The following EHBP1 variants were observed in gnomAD, a reference collection of about 807,000 sequenced individuals.
EHBP1 encodes the protein EH domain binding protein 1, also known as EH domain-binding protein 1.
In EHBP1, 55 loss-of-function variants were observed where a neutral mutation model predicts 144.0. The observed-to-expected ratio is 0.38, with a 90% CI of 0.31 to 0.48. EHBP1 has a LOEUF of 0.48. EHBP1 is among the 20% of genes least tolerant of loss of function. The pLI, the probability that EHBP1 is intolerant of heterozygous loss-of-function variation, is 0.98. For missense variants in EHBP1, 1,200 were observed against 1,364.2 expected (o/e 0.88, Z 1.90); for synonymous variants, 469 against 472.7 (o/e 0.99, Z 0.10).
rs747501545 is a variant in EHBP1, at chr2:62,707,293, A to G, written c.102A>G (p.Lys34=). 3 of 1,611,650 alleles carry G rather than the reference A, an allele frequency of 1.9e-6. No individual in the cohort carries two copies. The highest frequency in any genetic ancestry group is 4.5e-5 in the East Asian group (2 of 44,864). The change falls in exon 2 of 23, where the codon AAA becomes AAG. Residue 34 remains lysine, a splice_region_variant and synonymous_variant. Coordinates refer to ENST00000431489, the MANE Select transcript of EHBP1 (RefSeq NM_001142616.3). ...AGCTCATGGTTGAGTGTACGAAGAA[A>G]TGGTAAGATGTACCTGGAGGTAGAT... ...YQELMVECTK[K]WQPDKLVVVW...
intron 14 of EHBP1, among the ~76,000 whole-genome samples, chr2:62,966,517 T>C (rs1190968834): frequency 6.6e-6 from 1 of 152,178 alleles, no homozygotes; most frequent in Non-Finnish European, 1.5e-5. Flanking sequence ...TGACAGTGGT[T>C]GCTGTGCAGT....
intron 15 of EHBP1, among the ~76,000 whole-genome samples, chr2:62,985,599 T>C (rs1405768032): frequency 2.0e-5 from 3 of 152,190 alleles, no homozygotes; most frequent in African/African-American, 7.2e-5. Flanking sequence ...TAGTTTTGCC[T>C]TTCAAGTCTT....
intron 1 of EHBP1, among the ~76,000 whole-genome samples, chr2:62,688,378 A>G (rs898604793): frequency 1.3e-5 from 2 of 152,128 alleles, no homozygotes; most frequent in Admixed American, 6.5e-5. Flanking sequence ...ATAATTATAC[A>G]TCTTTATGGG....
At chr2:62,684,137 T>C (rs1460803818) in intron 1 of EHBP1, among the ~76,000 whole-genome samples, 2 of 152,194 alleles carry the variant, frequency 1.3e-5, no homozygotes. Context: ...GCACAGATGT[T>C]CATATGCAAG....
At chr2:62,942,470 C>T (rs1171192004) in intron 10 of EHBP1, among the ~76,000 whole-genome samples, 1 of 152,186 alleles carries the variant, frequency 6.6e-6, no homozygotes, top group Non-Finnish European at 1.5e-5. Flanking sequence ...AAGCTCTTGG[C>T]CTGTTCTTAT....
At chr2:62,727,425 C>T (rs1302196351) in intron 2 of EHBP1, among the ~76,000 whole-genome samples, 1 of 152,000 alleles carries the variant, frequency 6.6e-6, no homozygotes, top group African/African-American at 2.4e-5. Context: ...AATTTTGGAA[C>T]ATTTTTGTGA....
intron 2 of EHBP1, among the ~76,000 whole-genome samples, chr2:62,725,642 C>G (rs2036700118): frequency 6.6e-6 from 1 of 152,176 alleles, no homozygotes; most frequent in Admixed American, 6.5e-5. Context: ...GGCTCTGTGC[C>G]TGCCGAGGCT....
chr2:62,933,062 G>A (rs1426423626), intron 10 of EHBP1, among the ~76,000 whole-genome samples: 5 of 151,458 alleles, frequency 3.3e-5, no homozygotes, highest in Admixed American at 3.3e-4. Context: ...CTGTTTATGT[G>A]AGTTATACCT....
intron 2 of EHBP1, among the ~76,000 whole-genome samples, chr2:62,731,094 A>AT (rs2037552658): frequency 6.6e-6 from 1 of 150,990 alleles, no homozygotes; most frequent in African/African-American, 2.4e-5. Flanking sequence ...GATTTTTGTA[A>AT]TTTTTTTCCC....
At chr2:62,973,183 CA>C (rs1403454991) in intron 14 of EHBP1, among the ~76,000 whole-genome samples, 1 of 152,122 alleles carries the variant, frequency 6.6e-6, no homozygotes, top group East Asian at 1.9e-4. Context: ...GTTGCCATTT[CA>C]TATTCAGAAA....
chr2:62,950,693 CT>C (rs146236066), intron 13 of EHBP1, among the ~76,000 whole-genome samples: 2 of 150,160 alleles, frequency 1.3e-5, no homozygotes, highest in Non-Finnish European at 1.5e-5. Context: ...GTTGTTTTTT[CT>C]TTTTTTTTGA....
intron 1 of EHBP1, among the ~76,000 whole-genome samples, chr2:62,684,886 T>G (rs1029538097): frequency 6.6e-6 from 1 of 152,192 alleles, no homozygotes; most frequent in African/African-American, 2.4e-5. Flanking sequence ...CTGGGTGACT[T>G]ACACAGTGAA....
At chr2:62,947,833 A>G (rs1234948795) in intron 12 of EHBP1, among the ~76,000 whole-genome samples, 1 of 152,214 alleles carries the variant, frequency 6.6e-6, no homozygotes, top group Non-Finnish European at 1.5e-5. Context: ...TGTATTTTAT[A>G]TCAGGTAATC....
intron 1 of EHBP1, among the ~76,000 whole-genome samples, chr2:62,686,115 G>A (rs1315570908): frequency 6.6e-6 from 1 of 152,150 alleles, no homozygotes; most frequent in Non-Finnish European, 1.5e-5. Flanking sequence ...TTCTCCTGTT[G>A]CTCATACAAA....
intron 18 of EHBP1, among the ~76,000 whole-genome samples, chr2:62,995,256 A>G (rs1038446288): frequency 2.6e-5 from 4 of 152,058 alleles, no homozygotes; most frequent in Non-Finnish European, 4.4e-5. Flanking sequence ...TTTTAAAAAT[A>G]CAGTGACTTT....
intron 10 of EHBP1, among the ~76,000 whole-genome samples, chr2:62,941,564 T>C (rs2056757471): frequency 6.6e-6 from 1 of 152,162 alleles, no homozygotes; most frequent in East Asian, 1.9e-4. Context: ...AAGCAGTGAA[T>C]GCATAAATCA....
Position 62,874,333 on chromosome 2 carries a change from T to C in EHBP1, c.999-13T>C, listed in dbSNP as rs2050714090. 2.6e-6 allele frequency: 4 copies of C among 1,530,592 alleles called. No individual in the cohort carries two copies. 94.8% of individuals were successfully genotyped at this position (1,530,592 alleles called of 1,614,324 possible). The stretch of plus-strand genomic sequence containing the variant: ...TTTGAGAGACATCTAACAATAATTC[T>C]TCTTTCACTTAGATCAAATCCTTTT... On this transcript the variant is annotated splice_polypyrimidine_tract_variant and intron_variant, in intron 9 of 22. Transcript: ENST00000431489.
intron 7 of EHBP1, among the ~76,000 whole-genome samples, chr2:62,846,628 C>T (rs891058768): frequency 1.5e-4 from 23 of 152,200 alleles, no homozygotes; most frequent in African/African-American, 5.5e-4. Context: ...ATTTGAAGTT[C>T]TACCAAACTC....
intron 15 of EHBP1, among the ~76,000 whole-genome samples, chr2:62,989,491 A>G (rs1407580301): frequency 6.6e-6 from 1 of 152,116 alleles, no homozygotes; most frequent in Admixed American, 6.6e-5. Flanking sequence ...ACTTTGGGGG[A>G]TACTTTAAAG....
Sources: allele counts gnomAD v4.1 joint callset (sites outside exome capture counted in the v4.1 genomes callset), GRCh38; gene constraint gnomAD v4.1.1; transcripts MANE v1.5; gene names NCBI Gene and HGNC (gene_info 2026-07-23, HGNC 2026-07-21).